The following NR3C2 variants were observed in gnomAD, a reference collection of about 807,000 sequenced individuals.
NR3C2 encodes the protein nuclear receptor subfamily 3 group C member 2, also known as mineralocorticoid receptor.
In NR3C2, 15 loss-of-function variants were observed where a neutral mutation model predicts 86.4. The observed-to-expected ratio is 0.17, with a 90% CI of 0.12 to 0.27. The LOEUF is 0.27. Among genes scored for constraint, NR3C2 ranks in the 10% least tolerant of loss-of-function variants. NR3C2 has a pLI of 1.00. For missense variants in NR3C2, 960 were observed against 1,195.6 expected, an observed-to-expected ratio of 0.80 and a Z score of 2.91; for synonymous variants, 458 against 450.5, an observed-to-expected ratio of 1.02 and a Z score of -0.21.
chr4:148,344,832 A>G (rs1196111018), intron 2 of NR3C2, among the ~76,000 whole-genome samples: 1 of 152,204 alleles, frequency 6.6e-6, no homozygotes, highest in Non-Finnish European at 1.5e-5. Flanking sequence ...TGTAAAGAAG[A>G]GTAATTAATC....
Position 148,154,657 on chromosome 4 carries a change from G to A in NR3C2, c.2259C>T (p.Gly753=). 2.5e-6 allele frequency: 4 copies of A among 1,614,202 alleles called. No homozygotes were observed. Among genetic ancestry groups the A allele is most frequent in the Non-Finnish European group, 2.5e-6 (3 of 1,180,042 alleles). The change falls in exon 5 of 9, where the codon GGC becomes GGT. Residue 753 remains glycine (G), a synonymous_variant. Coordinates refer to ENST00000358102, the MANE Select transcript of NR3C2 (RefSeq NM_000901.5). ...CTGTATCTGGTTTTGAGCTGTCATA[G>A]CCTGCATATACAATTTCAGGTTCAA... The part of the protein sequence containing the change: ...ENIEPEIVYA[G]YDSSKPDTAE...
chr4:148,201,467 A>G (rs1736716893), intron 3 of NR3C2, among the ~76,000 whole-genome samples: 2 of 152,230 alleles, frequency 1.3e-5, no homozygotes. Flanking sequence ...GATGTGAAGG[A>G]CAATATGCTT....
chr4:148,298,751 C>G (rs1271381281), intron 2 of NR3C2, among the ~76,000 whole-genome samples: 1 of 152,222 alleles, frequency 6.6e-6, no homozygotes, highest in African/African-American at 2.4e-5. Context: ...TCTAGTTACC[C>G]TGCTTCAGAG....
intron 2 of NR3C2, among the ~76,000 whole-genome samples, chr4:148,348,920 C>T (rs1324961868): frequency 3.3e-5 from 5 of 152,084 alleles, no homozygotes; most frequent in Admixed American, 3.3e-4. Context: ...TCCCTTCTTC[C>T]GACTTTTCAA....
chr4:148,237,465 T>TA (rs1436804292), intron 3 of NR3C2, among the ~76,000 whole-genome samples: 2 of 152,180 alleles, frequency 1.3e-5, no homozygotes, highest in African/African-American at 4.8e-5. Context: ...CAGCAGTACT[T>TA]ACGTCTGTGA....
In NR3C2 at chr4:148,435,565, G is replaced by A. The variant is rs763933550; in HGVS notation, c.1296C>T (p.Thr432=). The A allele has an allele frequency of 1.9e-6, 3 of 1,613,918 alleles. No individual in the cohort carries two copies. In the South Asian group the frequency reaches 3.3e-5, roughly 18 times the overall value. ...SFSVPIKQES[T]KHSCSGTSFK... ...AAGAGGTGCCTGAACATGAATGCTT[G>A]GTTGATTCTTGCTTTATTGGTACTG... Residue 432 remains threonine (T), a synonymous_variant, in exon 2 of 9, where the codon ACC becomes ACT. Transcript: ENST00000358102.
At chr4:148,093,303 T>A (rs991051599) in intron 8 of NR3C2, among the ~76,000 whole-genome samples, 13 of 152,236 alleles carry the variant, frequency 8.5e-5, no homozygotes, top group African/African-American at 3.1e-4. Context: ...CCGCTCTCCC[T>A]GCTCGCAAAG....
chr4:148,101,491 G>A (rs1731533431), intron 8 of NR3C2, among the ~76,000 whole-genome samples: 1 of 152,182 alleles, frequency 6.6e-6, no homozygotes, highest in South Asian at 2.1e-4. Context: ...GATGGGAGAG[G>A]AAGGGTTCAG....
Position 148,435,169 on chromosome 4 carries a change from G to A in NR3C2, c.1692C>T (p.Gly564=), listed in dbSNP as rs188602841. ...CATCACTTCTTCTAGACGACAGGTC[G>A]CCGTGTGATTTCCATGACTCCACTA... ...NTLVESWKSH[G]DLSSRRSDGY... The change falls in exon 2 of 9, where the codon GGC becomes GGT. Residue 564 remains glycine (G), a synonymous_variant. Coordinates refer to ENST00000358102, the MANE Select transcript of NR3C2 (RefSeq NM_000901.5). 23 of 1,614,064 alleles carry A rather than the reference G, an allele frequency of 1.4e-5. No individual in the cohort carries two copies. The East Asian group carries it at 3.6e-4, about 25-fold the overall frequency.
Position 148,153,434 on chromosome 4 carries a change from T to C in NR3C2, c.2366-821A>G, listed in dbSNP as rs2037480. Among the ~76,000 whole-genome samples, 1,111 of 152,266 alleles carry C rather than the reference T, an allele frequency of 7.3e-3. 10 individuals are homozygous for C. The highest frequency in any genetic ancestry group is 0.026 in the African/African-American group (1,070 of 41,548). On this transcript the variant is annotated intron_variant, in intron 5 of 8. Coordinates refer to ENST00000358102, the MANE Select transcript of NR3C2 (RefSeq NM_000901.5). The stretch of plus-strand genomic sequence containing the variant: ...CTCAAGTGATCTGCTTGCCTCAGCC[T>C]CCCAAAGTCTGGGATTACAGGCATG...
At chr4:148,094,254 G>A (rs1041879747) in intron 8 of NR3C2, among the ~76,000 whole-genome samples, 1 of 152,202 alleles carries the variant, frequency 6.6e-6, no homozygotes, top group African/African-American at 2.4e-5. Flanking sequence ...AGAGAAATTG[G>A]AACATTTGCA....
chr4:148,437,295 T>C (rs1750128361), intron 1 of NR3C2, among the ~76,000 whole-genome samples: 1 of 152,222 alleles, frequency 6.6e-6, no homozygotes, highest in African/African-American at 2.4e-5. Context: ...CTAAATCTTT[T>C]GACTCCAATG....
intron 2 of NR3C2, among the ~76,000 whole-genome samples, chr4:148,408,143 T>C (rs1023799141): frequency 6.6e-6 from 1 of 152,190 alleles, no homozygotes; most frequent in African/African-American, 2.4e-5. Flanking sequence ...GGTTCTTTAT[T>C]AGCTATCACA....
At chr4:148,385,470 A>C (rs1056706589) in intron 2 of NR3C2, among the ~76,000 whole-genome samples, 5 of 152,216 alleles carry the variant, frequency 3.3e-5, no homozygotes, top group African/African-American at 1.2e-4. Flanking sequence ...CTTATATTCC[A>C]TACAGAAACC....
intron 2 of NR3C2, among the ~76,000 whole-genome samples, chr4:148,332,548 T>C (rs1744280789): frequency 6.6e-6 from 1 of 152,220 alleles, no homozygotes; most frequent in Non-Finnish European, 1.5e-5. Context: ...TTGCTTTTGC[T>C]TTTTTATTTG....
intron 3 of NR3C2, among the ~76,000 whole-genome samples, chr4:148,238,789 T>C (rs1738871698): frequency 6.6e-6 from 1 of 152,048 alleles, no homozygotes; most frequent in South Asian, 2.1e-4. Flanking sequence ...AGGGGTCTGG[T>C]AGGAAAAAAT....
intron 2 of NR3C2, among the ~76,000 whole-genome samples, chr4:148,394,698 A>T (rs1025928662): frequency 2.6e-5 from 4 of 152,108 alleles, no homozygotes; most frequent in African/African-American, 7.2e-5. Context: ...AAAAAATAAA[A>T]ATTAAAAACA....
At chr4:148,279,926 T>C (rs1487628726) in intron 2 of NR3C2, among the ~76,000 whole-genome samples, 2 of 152,122 alleles carry the variant, frequency 1.3e-5, no homozygotes, top group Admixed American at 1.3e-4. Flanking sequence ...GGTTTCACCA[T>C]GTTGGCCAGG....
chr4:148,087,538 A>G (rs574246728), intron 8 of NR3C2, among the ~76,000 whole-genome samples: 1 of 152,314 alleles, frequency 6.6e-6, no homozygotes, highest in East Asian at 1.9e-4. Context: ...GGAACAGAAC[A>G]GAACAGAGGC....
Sources: gnomAD v4.1 joint callset for allele counts (sites outside exome capture counted in the v4.1 genomes callset) on GRCh38, gnomAD v4.1.1 for gene constraint, MANE v1.5 for transcripts, NCBI Gene and HGNC (gene_info 2026-07-23, HGNC 2026-07-21) for gene names.